Variants in VPS4A observed in about 807,000 individuals in gnomAD.
VPS4A encodes the protein vacuolar protein sorting-associated protein 4A.
A neutral mutation model predicts 52.3 loss-of-function variants in VPS4A; 20 were observed. The ratio of observed to expected loss-of-function variants is 0.38; its 90% confidence interval spans 0.27 to 0.56. VPS4A has a LOEUF of 0.56. Ranked by LOEUF, VPS4A falls within the 20% of genes least tolerant of loss-of-function variation. The pLI is 0.72. For synonymous variants in VPS4A, 293 were observed against 227.7 expected (o/e 1.29, Z -2.58); for missense variants, 419 against 575.9 (o/e 0.73, Z 2.79).
rs927496554 is a variant in VPS4A at position 69,320,382 on chromosome 16, C to T, written c.769+93C>T. On this transcript the variant is annotated intron_variant, in intron 7 of 10. Coordinates refer to ENST00000254950, the MANE Select transcript of VPS4A (RefSeq NM_013245.3). The surrounding 1 kb of genome is among the most constrained non-coding windows in gnomAD (Gnocchi z 4.2). ...AGCTGCGGCTGGATTTGGTTGTTCTCAGCCTCGGAGAGGCACTCCCCAGCT... is the reference window on the plus strand; with the variant it reads ...AGCTGCGGCTGGATTTGGTTGTTCTTAGCCTCGGAGAGGCACTCCCCAGCT... 9.7e-6 allele frequency: 15 copies of T among 1,540,716 alleles called. No individual in the cohort carries two copies. The highest frequency in any genetic ancestry group is 1.2e-5 in the Non-Finnish European group (14 of 1,136,892).
intron 10 of VPS4A, 88 bp downstream of exon 10, chr16:69,322,788 G>A (rs1965530152): frequency 2.0e-6 from 3 of 1,500,906 alleles, no homozygotes; most frequent in East Asian, 2.3e-5. Context: ...GTCTTCTCCA[G>A]GCCAGGCATG....
Position 69,320,402 on chromosome 16 carries a change from C to T in VPS4A, c.769+113C>T. Reference sequence around the variant, plus strand: ...GTTCTCAGCCTCGGAGAGGCACTCCCCAGCTCCAGCCCCTCAGGGCACGGG... The same window carrying T: ...GTTCTCAGCCTCGGAGAGGCACTCCTCAGCTCCAGCCCCTCAGGGCACGGG... On this transcript the variant is annotated intron_variant, in intron 7 of 10. Transcript: ENST00000254950. The surrounding 1 kb of genome is among the most constrained non-coding windows in gnomAD (Gnocchi z 4.2). The T allele has an allele frequency of 6.9e-7, 1 of 1,454,382 alleles. No homozygotes were observed. The highest frequency in any genetic ancestry group is 1.3e-5 in the South Asian group (1 of 75,336). 90.1% of individuals were successfully genotyped at this position (1,454,382 alleles called of 1,614,324 possible). A position where few individuals can be genotyped will look rare whatever the true frequency, so the allele number is the denominator to read the frequency against.
In VPS4A at chr16:69,320,622, T is replaced by C; in HGVS notation, c.770-66T>C. The C allele has an allele frequency of 7.1e-7, 1 of 1,410,908 alleles. No individual in the cohort carries two copies. The highest frequency in any genetic ancestry group is 9.8e-7 in the Non-Finnish European group (1 of 1,024,764). 87.4% of individuals were successfully genotyped at this position (1,410,908 alleles called of 1,614,324 possible). ...TGACACACAAAGCCCCCGGGGTCTG[T>C]CCCCAGGTTTCAACTGACCCGTGCA... On this transcript the variant is annotated intron_variant, in intron 7 of 10. Transcript: ENST00000254950. The surrounding 1 kb of genome is among the most constrained non-coding windows in gnomAD (Gnocchi z 4.2).
rs550359468 is a variant in VPS4A, at chr16:69,321,266, A to G, written c.1067A>G (p.Lys356Arg). Residue 356 changes from lysine (K) to arginine (R), a missense_variant, in exon 9 of 11, where the codon AAA becomes AGA. By Grantham distance (26) the Lys-to-Arg change is conservative. Coordinates refer to ENST00000254950, the MANE Select transcript of VPS4A (RefSeq NM_013245.3). The surrounding 1 kb of genome is among the most constrained non-coding windows in gnomAD (Gnocchi z 4.5). Reference sequence around the variant, plus strand: ...AAGGTGCAGTCGGCCACACACTTCAAAAAGGTGAGTGCCCGCGGCCACTGC... The same window carrying G: ...AAGGTGCAGTCGGCCACACACTTCAGAAAGGTGAGTGCCCGCGGCCACTGC... ...VRKVQSATHF[K>R]KVCGPSRTNP... The G allele has an allele frequency of 2.6e-6, 4 of 1,552,372 alleles. No homozygotes were observed. The highest frequency in any genetic ancestry group is 1.4e-5 in the African/African-American group (1 of 73,174).
At chr16:69,323,093 T>C (rs1320555623) in intron 10 of VPS4A, 1 of 162,576 alleles carries the variant, frequency 6.2e-6, no homozygotes, top group Non-Finnish European at 1.3e-5. Flanking sequence ...TCTTCTTCTA[T>C]GTCCTGGGCT....
chr16:69,314,473 G>C (rs1287548785), intron 1 of VPS4A, among the ~76,000 whole-genome samples: 1 of 152,120 alleles, frequency 6.6e-6, no homozygotes, highest in Non-Finnish European at 1.5e-5. Context: ...CTGCCTTCCT[G>C]TCTCATCTGA....
chr16:69,320,172 C>G lies in VPS4A; in HGVS notation c.652C>G (p.Gln218Glu). 1 of 1,613,872 alleles carries G rather than the reference C, an allele frequency of 6.2e-7. No individual in the cohort carries two copies. The highest frequency in any genetic ancestry group is 8.5e-7 in the Non-Finnish European group (1 of 1,179,826). Residue 218 changes from glutamine (Q) to glutamate (E), a missense_variant, in exon 7 of 11, where the codon CAG (glutamine) becomes GAG (glutamate). Around this residue, in one of 3 missense-constraint regions of VPS4A, gnomAD observed 103 missense variants for 210.3 expected, o/e 0.49. Coordinates refer to ENST00000254950, the MANE Select transcript of VPS4A (RefSeq NM_013245.3). The surrounding 1 kb of genome is among the most constrained non-coding windows in gnomAD (Gnocchi z 4.2). ...CAAGAACCTGTTTGAGCTGGCCAGG[C>G]AGCACAAGCCCTCCATCATCTTCAT... ...LVKNLFELAR[Q>E]HKPSIIFIDE...
chr16:69,322,291 C>T (rs1190994772), intron 9 of VPS4A: 2 of 315,562 alleles, frequency 6.3e-6, no homozygotes, highest in African/African-American at 4.3e-5. Context: ...ACAGCTAAAC[C>T]ATATCACACT....
chr16:69,322,676 A>C lies in VPS4A; in HGVS notation c.1188A>C (p.Lys396Asn), dbSNP rs1454441865. Residue 396 changes from lysine (K) to asparagine (N), a missense_variant, in exon 10 of 11, where the codon AAA (lysine) becomes AAC (asparagine). This residue lies in a region of VPS4A where 185 missense variants were observed against 200.2 expected (regional missense o/e 0.92). Coordinates refer to ENST00000254950, the MANE Select transcript of VPS4A (RefSeq NM_013245.3). The stretch of plus-strand genomic sequence containing the variant: ...CTTGGATGGATGTCCCTGGGGACAA[A>C]CTCTTAGAGCCTGTGGTTTGCATGG... Reference protein sequence around the residue: ...EMTWMDVPGDKLLEPVVCMSD... With the variant: ...EMTWMDVPGDNLLEPVVCMSD... 6 of 1,613,666 alleles carry C rather than the reference A, an allele frequency of 3.7e-6. No homozygotes were observed. The highest frequency in any genetic ancestry group is 4.2e-6 in the Non-Finnish European group (5 of 1,179,752).
At position 69,320,680 on chromosome 16, in the gene VPS4A, C is replaced by T; in HGVS notation, c.770-8C>T. On this transcript the variant is annotated splice_region_variant and splice_polypyrimidine_tract_variant and intron_variant, in intron 7 of 10. Transcript: ENST00000254950. This position sits in a 1 kb window ranked among gnomAD's most constrained non-coding sequence, Gnocchi z 4.2. ...AGAGTCTGAGTCTTTGTCTCCCTTT[C>T]TCCACAGGGGTGGGGAATAACAATG... 6.3e-7 allele frequency: 1 copy of T among 1,596,598 alleles called. No homozygotes were observed. Among genetic ancestry groups the T allele is most frequent in the East Asian group, 2.3e-5 (1 of 44,276 alleles).
Position 69,321,153 on chromosome 16 carries a change from C to T in VPS4A, c.954C>T (p.Asn318=), listed in dbSNP as rs1184156599. The T allele has an allele frequency of 6.3e-7, 1 of 1,584,644 alleles. No homozygotes were observed. The highest frequency in any genetic ancestry group is 2.3e-5 in the East Asian group (1 of 42,972). The change falls in exon 9 of 11, where the codon AAC becomes AAT. Residue 318 remains asparagine (N), a synonymous_variant. Coordinates refer to ENST00000254950, the MANE Select transcript of VPS4A (RefSeq NM_013245.3). The surrounding 1 kb of genome is among the most constrained non-coding windows in gnomAD (Gnocchi z 4.5). ...CTCCCCACAACCTCACGGATGCAAACATCCACGAGCTGGCCCGGAAGACGG... is the reference window on the plus strand; with the variant it reads ...CTCCCCACAACCTCACGGATGCAAATATCCACGAGCTGGCCCGGAAGACGG... ...GSTPHNLTDA[N]IHELARKTEG...
rs574134904 is a variant in VPS4A, at chr16:69,324,313, C to G, written c.*4C>G. The stretch of plus-strand genomic sequence containing the variant: ...GGACTTTGGGCAAGAGAGTTAAAAG[C>G]TGCTTCACTTGGGCAATGGTGAAGG... On this transcript the variant is annotated 3_prime_UTR_variant, in exon 11 of 11. Transcript: ENST00000254950. The G allele has an allele frequency of 1.1e-4, 170 of 1,613,232 alleles. 4 individuals carry two copies. In the South Asian group the frequency reaches 1.9e-3, roughly 18 times the overall value.
intron 10 of VPS4A, chr16:69,323,659 A>G (rs1293031401): frequency 2.9e-5 from 13 of 455,664 alleles, no homozygotes; most frequent in South Asian, 7.7e-5. Flanking sequence ...TGCAGCTAAG[A>G]AGGCTCCTGG....
chr16:69,321,344 C>T lies in VPS4A; in HGVS notation c.1071+74C>T, dbSNP rs1231007897. 2 of 1,475,446 alleles carry T rather than the reference C, an allele frequency of 1.4e-6. No individual in the cohort carries two copies. Among genetic ancestry groups the T allele is most frequent in the African/African-American group, 2.8e-5 (2 of 71,536 alleles). 91.4% of individuals were successfully genotyped at this position (1,475,446 alleles called of 1,614,324 possible). On this transcript the variant is annotated intron_variant, in intron 9 of 10. Coordinates refer to ENST00000254950, the MANE Select transcript of VPS4A (RefSeq NM_013245.3). The surrounding 1 kb of genome is among the most constrained non-coding windows in gnomAD (Gnocchi z 4.5). ...ATGTTCGGTTTTTTTTTTCCCAGCT[C>T]CTGGTCCTGCTCCCCGGCTGCTCAG...
In VPS4A at chr16:69,325,402, TCACGC is replaced by T. The variant is rs1965577642; in HGVS notation, c.*1095_*1099del. On this transcript the variant is annotated 3_prime_UTR_variant, in exon 11 of 11. Coordinates refer to ENST00000254950, the MANE Select transcript of VPS4A (RefSeq NM_013245.3). ...GTCGAGAGTTGCTGGGCGCGGTGGC[TCACGC>T]CTGTAATCCCAGCACTTTGGGCCGC... 1 of 110,174 alleles carries T rather than the reference TCACGC, an allele frequency of 9.1e-6. No homozygotes were observed. Among genetic ancestry groups the T allele is most frequent in the Non-Finnish European group, 2.0e-5 (1 of 50,776 alleles). The allele number at this position is 110,174 out of a possible 1,614,324, so 6.8% of individuals were successfully genotyped here. A position where few individuals can be genotyped will look rare whatever the true frequency, so the allele number is the denominator to read the frequency against.
chr16:69,313,528 C>T (rs890912775), intron 1 of VPS4A, among the ~76,000 whole-genome samples: 1 of 152,088 alleles, frequency 6.6e-6, no homozygotes, highest in Admixed American at 6.6e-5. Flanking sequence ...TTGTGGCTAG[C>T]TTCTTTCATT....
At position 69,316,225 on chromosome 16, in the gene VPS4A, A is replaced by T. The variant is rs1456630141; in HGVS notation, c.134A>T (p.Tyr45Phe). The T allele has an allele frequency of 6.2e-7, 1 of 1,613,500 alleles. No homozygotes were observed. Among genetic ancestry groups the T allele is most frequent in the Admixed American group, 1.7e-5 (1 of 60,012 alleles). ...AVEYFLHAIK[Y>F]EAHSDKAKES... ...GGCCCCTCTGTGTTCCCTTTCACAG[A>T]TGAGGCCCACAGCGACAAGGCCAAG... The change falls in exon 3 of 11, where the codon TAT becomes TTT. Residue 45 changes from tyrosine to phenylalanine, a missense_variant and splice_region_variant. By Grantham distance (22) the Tyr-to-Phe change is conservative (BLOSUM62 3). Around this residue, in one of 3 missense-constraint regions of VPS4A, gnomAD observed 131 missense variants for 165.4 expected, o/e 0.79. Coordinates refer to ENST00000254950, the MANE Select transcript of VPS4A (RefSeq NM_013245.3).
At chr16:69,324,122 C>T in intron 10 of VPS4A, 86 bp from the exon 11 acceptor site, 1 of 1,396,732 alleles carries the variant, frequency 7.2e-7, no homozygotes, top group Non-Finnish European at 9.9e-7. Flanking sequence ...CCTCTTCCCA[C>T]CCTCAGCTGC....
chr16:69,311,940 G>C (rs1009542165), intron 1 of VPS4A, among the ~76,000 whole-genome samples: 1 of 151,838 alleles, frequency 6.6e-6, no homozygotes, highest in Non-Finnish European at 1.5e-5. Flanking sequence ...GAAGTCCCTC[G>C]ACCTCACTTC....
Sources: allele counts gnomAD v4.1 joint callset (sites outside exome capture counted in the v4.1 genomes callset), GRCh38; gene constraint gnomAD v4.1.1; regional missense constraint gnomAD v4.1.1; non-coding constraint Gnocchi (gnomAD v3.1); transcripts MANE v1.5; gene names NCBI Gene and HGNC (gene_info 2026-07-23, HGNC 2026-07-21).